The following BABAM2 variants were observed in gnomAD, a reference collection of about 807,000 sequenced individuals.
The protein encoded by BABAM2 is BRISC and BRCA1-A complex member 2.
A neutral mutation model predicts 54.7 loss-of-function variants in BABAM2; 31 were observed. That is an observed-to-expected ratio of 0.57 (90% confidence interval 0.43 to 0.77). The LOEUF is 0.77. Among genes scored for constraint, BABAM2 ranks in the 30% least tolerant of loss-of-function variants. The pLI is 0.00. For synonymous variants in BABAM2, 167 were observed against 162.9 expected, an observed-to-expected ratio of 1.03 and a Z score of -0.19; for missense variants, 364 against 455.8, an observed-to-expected ratio of 0.80 and a Z score of 1.83.
At chr2:28,138,810 G>A (rs1395108894) in intron 7 of BABAM2, among the ~76,000 whole-genome samples, 1 of 152,028 alleles carries the variant, frequency 6.6e-6, no homozygotes, top group Non-Finnish European at 1.5e-5. Flanking sequence ...TTGCTTGTGT[G>A]TCGTCTCTCA....
chr2:28,186,575 C>A (rs1273492392), intron 7 of BABAM2, among the ~76,000 whole-genome samples: 1 of 151,044 alleles, frequency 6.6e-6, no homozygotes, highest in East Asian at 1.9e-4. Flanking sequence ...GGCAACAAAG[C>A]GAGACCCTGT....
chr2:28,021,213 A>C (rs1675235335), intron 4 of BABAM2, among the ~76,000 whole-genome samples: 1 of 152,218 alleles, frequency 6.6e-6, no homozygotes, highest in Non-Finnish European at 1.5e-5. Context: ...GTGGAGCTGA[A>C]GCACTATCAG....
chr2:28,162,026 G>A (rs559956103), intron 7 of BABAM2, among the ~76,000 whole-genome samples: 74 of 152,192 alleles, frequency 4.9e-4, no homozygotes, highest in African/African-American at 1.7e-3. Flanking sequence ...TTTAGCTACT[G>A]CAACCTTCTC....
intron 2 of BABAM2, among the ~76,000 whole-genome samples, chr2:27,929,051 T>TAAA (rs374733074): frequency 7.0e-5 from 8 of 114,604 alleles, no homozygotes; most frequent in African/African-American, 1.3e-4. Flanking sequence ...CCTCCTCTCT[T>TAAA]AAAAAAAAAA....
intron 11 of BABAM2, among the ~76,000 whole-genome samples, chr2:28,316,248 G>A (rs1304474625): frequency 6.6e-6 from 1 of 152,102 alleles, no homozygotes; most frequent in East Asian, 1.9e-4. Context: ...TGGGGAAGGA[G>A]GCTCACCTGC....
At chr2:28,147,432 G>A (rs1164779470) in intron 7 of BABAM2, among the ~76,000 whole-genome samples, 1 of 151,602 alleles carries the variant, frequency 6.6e-6, no homozygotes, top group Non-Finnish European at 1.5e-5. Flanking sequence ...AGGACAAGTA[G>A]CAAGAAATAC....
chr2:28,239,259 A>G (rs987329501), intron 8 of BABAM2, among the ~76,000 whole-genome samples: 1 of 152,258 alleles, frequency 6.6e-6, no homozygotes, highest in Admixed American at 6.5e-5. Context: ...ATTGTTTTAC[A>G]TTTAAAGGGT....
chr2:28,038,430 G>C (rs1558677956), intron 5 of BABAM2, among the ~76,000 whole-genome samples: 1 of 152,114 alleles, frequency 6.6e-6, no homozygotes, highest in East Asian at 1.9e-4. Flanking sequence ...GGTTATTACA[G>C]GGTTATGTTG....
chr2:27,936,239 TC>T (rs1229156584), intron 3 of BABAM2, among the ~76,000 whole-genome samples: 1 of 152,130 alleles, frequency 6.6e-6, no homozygotes, highest in Admixed American at 6.6e-5. Flanking sequence ...TATTTTAAAA[TC>T]AGGTATTATC....
chr2:28,090,620 A>T (rs1666080185), intron 6 of BABAM2, among the ~76,000 whole-genome samples: 1 of 152,130 alleles, frequency 6.6e-6, no homozygotes, highest in Non-Finnish European at 1.5e-5. Context: ...TTGAAGTTGA[A>T]ATACATAGGT....
chr2:28,104,375 G>A (rs567926583), intron 6 of BABAM2, among the ~76,000 whole-genome samples: 137 of 152,218 alleles, frequency 9.0e-4, no homozygotes, highest in Middle Eastern at 3.4e-3. Context: ...AAAAGTGGGC[G>A]AAGGATATGA....
At chr2:27,937,605 TTA>T (rs1472331022) in intron 3 of BABAM2, among the ~76,000 whole-genome samples, 1 of 152,230 alleles carries the variant, frequency 6.6e-6, no homozygotes, top group Non-Finnish European at 1.5e-5. Context: ...GGTTGACCAT[TTA>T]TATGTCTTTT....
At chr2:28,049,660 T>C (rs1272523642) in intron 6 of BABAM2, among the ~76,000 whole-genome samples, 1 of 152,242 alleles carries the variant, frequency 6.6e-6, no homozygotes, top group Non-Finnish European at 1.5e-5. Context: ...CTCATCCTTC[T>C]TCTGAAGTCA....
At chr2:28,036,156 G>A (rs532460080) in intron 5 of BABAM2, among the ~76,000 whole-genome samples, 1 of 152,234 alleles carries the variant, frequency 6.6e-6, no homozygotes, top group South Asian at 2.1e-4. Flanking sequence ...CTTGCACAGT[G>A]TTATCGCCAT....
intron 7 of BABAM2, among the ~76,000 whole-genome samples, chr2:28,222,666 A>G (rs1680523012): frequency 6.6e-6 from 1 of 152,266 alleles, no homozygotes; most frequent in African/African-American, 2.4e-5. Context: ...TCAAGCAACC[A>G]AGAAAGTGGT....
chr2:28,216,381 ACTT>A (rs1011399100), intron 7 of BABAM2, among the ~76,000 whole-genome samples: 4 of 152,226 alleles, frequency 2.6e-5, no homozygotes, highest in Non-Finnish European at 5.9e-5. Flanking sequence ...TAAATTGGGT[ACTT>A]CTTGTACTAA....
chr2:27,907,479 G>A (rs1479508254), intron 2 of BABAM2, among the ~76,000 whole-genome samples: 1 of 151,940 alleles, frequency 6.6e-6, no homozygotes, highest in African/African-American at 2.4e-5. Flanking sequence ...TAATTAACAT[G>A]TTGGGTCAAT....
chr2:28,005,000 G>A (rs899139858), intron 4 of BABAM2, among the ~76,000 whole-genome samples: 234 of 152,216 alleles, frequency 1.5e-3, no homozygotes, highest in African/African-American at 5.4e-3. Context: ...CTAATTTAAT[G>A]TACTAGTTAA....
intron 10 of BABAM2, among the ~76,000 whole-genome samples, chr2:28,274,129 G>GCGGCCTT (rs1051140697): frequency 6.6e-6 from 1 of 152,074 alleles, no homozygotes; most frequent in Non-Finnish European, 1.5e-5. Context: ...CCTTTATCTG[G>GCGGCCTT]CGGCCTTCCC....
Sources: gnomAD v4.1 joint callset for allele counts (sites outside exome capture counted in the v4.1 genomes callset) on GRCh38, gnomAD v4.1.1 for gene constraint, MANE v1.5 for transcripts, NCBI Gene and HGNC (gene_info 2026-07-23, HGNC 2026-07-21) for gene names.